THSD7A: variants seen among roughly 807,000 people sequenced by gnomAD.
The protein encoded by THSD7A is thrombospondin type 1 domain containing 7A.
In THSD7A, 96 loss-of-function variants were observed where a neutral mutation model predicts 231.3. That is an observed-to-expected ratio of 0.41 (90% CI 0.35 to 0.49). THSD7A has a LOEUF of 0.49. THSD7A is among the 20% of genes least tolerant of loss of function. The pLI is 0.05. For missense variants in THSD7A, 2,290 were observed against 2,070.2 expected, an observed-to-expected ratio of 1.11 and a Z score of -2.06; for synonymous variants, 940 against 743.3, an observed-to-expected ratio of 1.26 and a Z score of -4.30.
intron 4 of THSD7A, among the ~76,000 whole-genome samples, chr7:11,579,649 TC>T (rs1240489360): frequency 6.6e-6 from 1 of 152,146 alleles, no homozygotes; most frequent in Non-Finnish European, 1.5e-5. Context: ...TTCCCTAATT[TC>T]CCAGCTTAAA....
At chr7:11,722,256 T>C (rs1376253755) in intron 1 of THSD7A, among the ~76,000 whole-genome samples, 1 of 151,902 alleles carries the variant, frequency 6.6e-6, no homozygotes, top group Non-Finnish European at 1.5e-5. Flanking sequence ...GTCCCCTTTG[T>C]AAGACTAATG....
chr7:11,543,959 T>C (rs1284859102), intron 4 of THSD7A, among the ~76,000 whole-genome samples: 1 of 152,070 alleles, frequency 6.6e-6, no homozygotes, highest in East Asian at 1.9e-4. Flanking sequence ...AGGAAGAGAA[T>C]CAAGTTTAGC....
chr7:11,778,156 CAA>C (rs57740181), intron 1 of THSD7A, among the ~76,000 whole-genome samples: 17 of 45,064 alleles, frequency 3.8e-4, no homozygotes, highest in South Asian at 2.5e-3. Context: ...GACTCCGTCT[CAA>C]AAAAAAAAAA....
intron 1 of THSD7A, among the ~76,000 whole-genome samples, chr7:11,765,730 C>T (rs1190193213): frequency 6.6e-6 from 1 of 152,086 alleles, no homozygotes; most frequent in Non-Finnish European, 1.5e-5. Flanking sequence ...TGTAAGTATA[C>T]AGTAGTGGTA....
intron 1 of THSD7A, among the ~76,000 whole-genome samples, chr7:11,649,438 T>C (rs2128367786): frequency 6.6e-6 from 1 of 152,158 alleles, no homozygotes; most frequent in Non-Finnish European, 1.5e-5. Context: ...GGTAATATTT[T>C]ATGCAGCAAT....
At chr7:11,628,816 C>T (rs1036329523) in intron 2 of THSD7A, among the ~76,000 whole-genome samples, 7 of 152,054 alleles carry the variant, frequency 4.6e-5, no homozygotes, top group African/African-American at 1.7e-4. Context: ...GTTCTGACAC[C>T]GTACTTTAAC....
At chr7:11,508,806 T>G (rs10253687) in intron 6 of THSD7A, among the ~76,000 whole-genome samples, 46,404 of 152,150 alleles carry the variant, frequency 0.3, 8,243 homozygotes, top group African/African-American at 0.5. Flanking sequence ...TGGATTAATC[T>G]TGAAGACATT....
rs748191416 is a variant in THSD7A at position 11,593,429 on chromosome 7, A to C, written c.1096T>G (p.Trp366Gly). The C allele has an allele frequency of 6.2e-7, 1 of 1,613,958 alleles. No individual in the cohort carries two copies. Among genetic ancestry groups the C allele is most frequent in the Non-Finnish European group, 8.5e-7 (1 of 1,179,888 alleles). ...TTTGAGCAGGGGCTCCACTCTGACC[A>C]CTCGGAAACCTGGCACTCTTTGGTG... ...VITKECQVSE[W>G]SEWSPCSKTC... The change falls in exon 3 of 28, where the codon TGG becomes GGG. Residue 366 changes from tryptophan (W) to glycine (G), a missense_variant. Physicochemically the swap from Trp to Gly is radical, Grantham distance 184. Coordinates refer to ENST00000423059, the MANE Select transcript of THSD7A (RefSeq NM_015204.3).
At chr7:11,589,681 T>C (rs1299401964) in intron 4 of THSD7A, among the ~76,000 whole-genome samples, 1 of 152,240 alleles carries the variant, frequency 6.6e-6, no homozygotes, top group Non-Finnish European at 1.5e-5. Context: ...GAAGTCCTGC[T>C]ATTCCTCAGA....
Position 11,407,433 on chromosome 7 carries a change from C to A in THSD7A, c.3799-10G>T, listed in dbSNP as rs1234192132. The stretch of plus-strand genomic sequence containing the variant: ...TCTTCTCCAAGCCAAGCTGGAAGAA[C>A]AGAGGTAGATCAGGATGTATATTGT... On this transcript the variant is annotated splice_polypyrimidine_tract_variant and intron_variant, in intron 19 of 27. Coordinates refer to ENST00000423059, the MANE Select transcript of THSD7A (RefSeq NM_015204.3). The A allele has an allele frequency of 5.0e-6, 8 of 1,600,986 alleles. No individual in the cohort carries two copies. Among genetic ancestry groups the A allele is most frequent in the Non-Finnish European group, 6.8e-6 (8 of 1,170,300 alleles).
intron 1 of THSD7A, among the ~76,000 whole-genome samples, chr7:11,828,873 T>TTCC (rs1785105652): frequency 6.6e-6 from 1 of 152,118 alleles, no homozygotes; most frequent in Non-Finnish European, 1.5e-5. Context: ...ATGCATTTTC[T>TTCC]TCCACCTCTG....
chr7:11,532,635 G>A (rs540265968), intron 6 of THSD7A, among the ~76,000 whole-genome samples: 1 of 152,252 alleles, frequency 6.6e-6, no homozygotes, highest in East Asian at 1.9e-4. Context: ...ATCATGCAGT[G>A]ATGAAAAAAT....
chr7:11,791,409 T>C (rs986228386), intron 1 of THSD7A, among the ~76,000 whole-genome samples: 2 of 152,006 alleles, frequency 1.3e-5, no homozygotes, highest in African/African-American at 4.8e-5. Context: ...ACCTTCTTTT[T>C]CTGGAAAATT....
chr7:11,664,334 G>T (rs1465010285), intron 1 of THSD7A, among the ~76,000 whole-genome samples: 1 of 151,886 alleles, frequency 6.6e-6, no homozygotes, highest in Non-Finnish European at 1.5e-5. Context: ...GTACTAGATA[G>T]ATTTGGGTTT....
chr7:11,763,181 T>C (rs1375933799), intron 1 of THSD7A, among the ~76,000 whole-genome samples: 4 of 152,160 alleles, frequency 2.6e-5, no homozygotes, highest in African/African-American at 9.7e-5. Context: ...AGTATTCCCT[T>C]AATATAAACT....
chr7:11,388,562 C>G (rs1782855710), intron 23 of THSD7A, among the ~76,000 whole-genome samples: 1 of 152,098 alleles, frequency 6.6e-6, no homozygotes, highest in Non-Finnish European at 1.5e-5. Context: ...TTTATTGCAT[C>G]TATTTGATTG....
At chr7:11,617,760 C>G (rs906457097) in intron 2 of THSD7A, among the ~76,000 whole-genome samples, 1 of 152,014 alleles carries the variant, frequency 6.6e-6, no homozygotes, top group African/African-American at 2.4e-5. Flanking sequence ...CAATCTATCA[C>G]AAGGACTATA....
At chr7:11,828,301 C>A (rs1182191443) in intron 1 of THSD7A, among the ~76,000 whole-genome samples, 1 of 152,214 alleles carries the variant, frequency 6.6e-6, no homozygotes, top group Non-Finnish European at 1.5e-5. Context: ...ACTACTGGGA[C>A]TTTCAAGATC....
chr7:11,736,792 T>C lies in THSD7A; in HGVS notation c.190+94965A>G, dbSNP rs558931539. ...ACTGACTCTTTGAAAGTACTTGATA[T>C]GGTTTGACCATGGCCCCACCCAAAT... On this transcript the variant is annotated intron_variant, in intron 1 of 27. Coordinates refer to ENST00000423059, the MANE Select transcript of THSD7A (RefSeq NM_015204.3). 8.5e-5 allele frequency among the ~76,000 whole-genome samples: 13 copies of C among 152,124 alleles called. No individual in the cohort carries two copies. In the South Asian group the frequency reaches 2.7e-3, roughly 32 times the overall value.
Sources: gnomAD v4.1 joint callset for allele counts (sites outside exome capture counted in the v4.1 genomes callset) on GRCh38, gnomAD v4.1.1 for gene constraint, MANE v1.5 for transcripts, NCBI Gene and HGNC (gene_info 2026-07-23, HGNC 2026-07-21) for gene names.